MGAM2: variants seen among roughly 807,000 people sequenced by gnomAD.
The protein encoded by MGAM2 is probable maltase-glucoamylase 2.
MGAM2 carries 98 observed loss-of-function variants against 96.1 expected under a neutral mutation model. The observed-to-expected ratio is 1.02, with a 90% CI of 0.87 to 1.21. The LOEUF (loss-of-function observed/expected upper bound fraction) is 1.21. Ranked by LOEUF, MGAM2 falls within the 50% of genes most tolerant of loss-of-function variation. The pLI is 0.00. For missense variants in MGAM2, 2,055 were observed against 1,182.4 expected (o/e 1.74, Z -10.82); for synonymous variants, 749 against 414.8 (o/e 1.81, Z -9.79).
chr7:142,164,416 A>G (rs1795972832), intron 23 of MGAM2, among the ~76,000 whole-genome samples: 2 of 152,216 alleles, frequency 1.3e-5, no homozygotes, highest in African/African-American at 4.8e-5. Flanking sequence ...AGTGCCTGTC[A>G]CATAATACAC....
intron 28 of MGAM2, 98 bp from the exon 29 acceptor site, chr7:142,172,000 C>A: frequency 2.0e-6 from 1 of 504,448 alleles, no homozygotes; most frequent in South Asian, 2.7e-5. Context: ...TGACATTGAG[C>A]TGAATCTTTA....
intron 45 of MGAM2, among the ~76,000 whole-genome samples, chr7:142,207,074 G>C (rs1436023039): frequency 1.3e-5 from 2 of 152,220 alleles, no homozygotes; most frequent in Non-Finnish European, 2.9e-5. Context: ...GTTTGGGAGA[G>C]AATATGTTGG....
At chr7:142,127,662 C>G (rs911240694) in intron 3 of MGAM2, among the ~76,000 whole-genome samples, 1 of 152,096 alleles carries the variant, frequency 6.6e-6, no homozygotes, top group African/African-American at 2.4e-5. Context: ...GTGAATAAGT[C>G]TCATGAGATC....
At chr7:142,167,009 A>G (rs1158032830) in intron 25 of MGAM2, among the ~76,000 whole-genome samples, 2 of 152,152 alleles carry the variant, frequency 1.3e-5, no homozygotes, top group East Asian at 3.8e-4. Flanking sequence ...TTCCTTATTA[A>G]TAAGGATACC....
In MGAM2 at chr7:142,116,960, T is replaced by G. The variant is rs1221888363; in HGVS notation, c.87T>G (p.Leu29=). The G allele has an allele frequency of 2.8e-6, 2 of 703,252 alleles. No homozygotes were observed. The highest frequency in any genetic ancestry group is 2.0e-5 in the Admixed American group (1 of 50,020). 43.6% of individuals were successfully genotyped at this position (703,252 alleles called of 1,614,324 possible). A position where few individuals can be genotyped will look rare whatever the true frequency, so the allele number is the denominator to read the frequency against. ...VVTIDILLLL[L]VLEETSDTSF... ...CCATAGATATCCTCTTGCTGCTTCT[T>G]GTGTTGGAGGAAACTTCAGGTAAGG... Residue 29 remains leucine (L), a synonymous_variant, in exon 2 of 48, where the codon CTT becomes CTG. Transcript: ENST00000477922.
intron 12 of MGAM2, among the ~76,000 whole-genome samples, chr7:142,142,228 T>C (rs1283841876): frequency 6.6e-6 from 1 of 152,150 alleles, no homozygotes; most frequent in South Asian, 2.1e-4. Context: ...GCACACCAAG[T>C]CTTTGCTTTT....
chr7:142,179,851 A>G (rs9640361), intron 32 of MGAM2, among the ~76,000 whole-genome samples: 28,740 of 151,898 alleles, frequency 0.19, 3,004 homozygotes, highest in East Asian at 0.34. Context: ...CCAGATATTG[A>G]TATCAGGATG....
intron 24 of MGAM2, 35 bp downstream of exon 24, chr7:142,165,058 A>G (rs1795991829): frequency 1.5e-6 from 1 of 662,444 alleles, no homozygotes. Context: ...GGCCCTTTCC[A>G]GAGGCCTTGG....
At chr7:142,161,831 C>T (rs1029645453) in intron 22 of MGAM2, 124 bp from the exon 23 acceptor site, 5 of 485,054 alleles carry the variant, frequency 1.0e-5, no homozygotes, top group Admixed American at 4.1e-5. Flanking sequence ...GAAAAAAATG[C>T]ACAGAACTCA....
chr7:142,206,061 T>A (rs1428297439), intron 45 of MGAM2, among the ~76,000 whole-genome samples: 8 of 152,286 alleles, frequency 5.3e-5, no homozygotes, highest in Non-Finnish European at 1.0e-4. Flanking sequence ...TCTCATTGAA[T>A]TATTTTGGAA....
rs1286089951 is a variant in MGAM2 at position 142,148,192 on chromosome 7, T to G, written c.1634+619T>G. Among the ~76,000 whole-genome samples, 1 of 151,152 alleles carries G rather than the reference T, an allele frequency of 6.6e-6. No individual in the cohort carries two copies. The highest frequency in any genetic ancestry group is 2.4e-5 in the African/African-American group (1 of 41,032). ...CATAACCACACCATTACTACCACCATTATTGCCATCACCACCACCATCACT... is the reference window on the plus strand; with the variant it reads ...CATAACCACACCATTACTACCACCAGTATTGCCATCACCACCACCATCACT... On this transcript the variant is annotated intron_variant, in intron 15 of 47. Coordinates refer to ENST00000477922, the MANE Select transcript of MGAM2 (RefSeq NM_001293626.2). The surrounding 1 kb of genome is among the most constrained non-coding windows in gnomAD (Gnocchi z 4.2).
intron 26 of MGAM2, among the ~76,000 whole-genome samples, chr7:142,169,035 G>C (rs1796113133): frequency 6.6e-6 from 1 of 152,124 alleles, no homozygotes; most frequent in Non-Finnish European, 1.5e-5. Flanking sequence ...TTCTAATTCA[G>C]AAAATCTGGG....
chr7:142,168,073 T>A (rs962854229), intron 26 of MGAM2, among the ~76,000 whole-genome samples: 1 of 152,174 alleles, frequency 6.6e-6, no homozygotes, highest in African/African-American at 2.4e-5. Flanking sequence ...ATGGATCTGC[T>A]TTGTGGCAAA....
chr7:142,171,142 C>A, intron 27 of MGAM2, 130 bp from the exon 28 acceptor site: 1 of 691,076 alleles, frequency 1.4e-6, no homozygotes, highest in Non-Finnish European at 2.6e-6. Flanking sequence ...GGTCATGTCA[C>A]AGTATTTGAA....
chr7:142,203,195 A>G (rs1797291694), intron 45 of MGAM2, among the ~76,000 whole-genome samples: 1 of 152,136 alleles, frequency 6.6e-6, no homozygotes, highest in Non-Finnish European at 1.5e-5. Context: ...TGTTGGATGC[A>G]TAGCTTGTGA....
At chr7:142,134,717 G>C (rs912934716) in intron 7 of MGAM2, among the ~76,000 whole-genome samples, 1 of 151,338 alleles carries the variant, frequency 6.6e-6, no homozygotes, top group African/African-American at 2.4e-5. Context: ...ATGAAAGTGG[G>C]AGAAAGACTG....
At chr7:142,199,320 A>G (rs76693773) in intron 44 of MGAM2, among the ~76,000 whole-genome samples, 5,395 of 152,330 alleles carry the variant, frequency 0.035, 118 homozygotes, top group Middle Eastern at 0.082. Context: ...GGTATAACAC[A>G]TGGTTTATAT....
intron 22 of MGAM2, 55 bp from the exon 23 acceptor site, chr7:142,161,900 G>C: frequency 1.6e-6 from 1 of 642,536 alleles, no homozygotes; most frequent in Non-Finnish European, 2.8e-6. Flanking sequence ...AGAAGAGCAG[G>C]ACTCCCTGGC....
intron 26 of MGAM2, among the ~76,000 whole-genome samples, chr7:142,168,889 A>G (rs1796109096): frequency 6.6e-6 from 1 of 152,158 alleles, no homozygotes; most frequent in African/African-American, 2.4e-5. Context: ...GTGAATCTCA[A>G]TTCAGACTAG....
Sources: gnomAD v4.1 joint callset for allele counts (sites outside exome capture counted in the v4.1 genomes callset) on GRCh38, gnomAD v4.1.1 for gene constraint, Gnocchi (gnomAD v3.1) non-coding constraint, MANE v1.5 for transcripts, NCBI Gene and HGNC (gene_info 2026-07-23, HGNC 2026-07-21) for gene names.